SI: variants seen among roughly 807,000 people sequenced by gnomAD.
SI encodes sucrase-isomaltase, also known as sucrase-isomaltase, intestinal.
In SI, 235 loss-of-function variants were observed where a neutral mutation model predicts 253.3. The observed-to-expected ratio is 0.93, with a 90% CI of 0.83 to 1.03. SI has a LOEUF of 1.03. SI is among the 50% of genes least tolerant of loss of function. SI has a pLI of 0.00. For synonymous variants in SI, 819 were observed against 712.0 expected (o/e 1.15, Z -2.39); for missense variants, 2,442 against 2,211.1 (o/e 1.10, Z -2.09).
chr3:165,022,335 G>A (rs967485354), intron 26 of SI, among the ~76,000 whole-genome samples: 1 of 151,408 alleles, frequency 6.6e-6, no homozygotes, highest in African/African-American at 2.4e-5. Context: ...GCCTTTGCTA[G>A]CCAGATACAA....
chr3:165,076,541 T>C (rs1714985941), intron 1 of SI, among the ~76,000 whole-genome samples: 1 of 151,726 alleles, frequency 6.6e-6, no homozygotes, highest in African/African-American at 2.4e-5. Flanking sequence ...CAACACTACT[T>C]TCCACAATAT....
chr3:165,000,561 G>T (rs1214256058), intron 37 of SI, among the ~76,000 whole-genome samples: 1 of 151,172 alleles, frequency 6.6e-6, no homozygotes, highest in Non-Finnish European at 1.5e-5. Context: ...ATTTACTATT[G>T]TTAATTGTAA....
chr3:165,087,718 C>T, the SI span, among the ~76,000 whole-genome samples: 1 of 152,062 alleles, frequency 6.6e-6, no homozygotes, highest in African/African-American at 2.4e-5. Context: ...CAAAAGATAT[C>T]CCAGTTTAAT....
upstream of SI, among the ~76,000 whole-genome samples, chr3:165,079,335 T>C (rs140977854): frequency 1.3e-3 from 199 of 151,826 alleles, 1 homozygote; most frequent in African/African-American, 4.5e-3. Flanking sequence ...ACTCTGAAAT[T>C]GTCAGAGTCT....
chr3:165,054,082 C>A (rs1202950582), intron 13 of SI, among the ~76,000 whole-genome samples: 1 of 152,030 alleles, frequency 6.6e-6, no homozygotes, highest in African/African-American at 2.4e-5. Context: ...GTATTCCCAA[C>A]AACATGTCTG....
upstream of SI, among the ~76,000 whole-genome samples, chr3:165,082,842 G>A (rs73022804): frequency 8.0e-3 from 1,218 of 152,038 alleles, 18 homozygotes; most frequent in African/African-American, 0.028. Flanking sequence ...GGTCAAACAA[G>A]GAAGAGCAGG....
intron 15 of SI, among the ~76,000 whole-genome samples, chr3:165,048,898 T>A (rs1284210031): frequency 6.6e-6 from 1 of 152,028 alleles, no homozygotes; most frequent in Non-Finnish European, 1.5e-5. Context: ...GTTACATGTG[T>A]GAGCCACTGC....
chr3:164,989,431 A>T (rs898954318), intron 44 of SI, among the ~76,000 whole-genome samples: 2 of 149,300 alleles, frequency 1.3e-5, no homozygotes, highest in African/African-American at 4.9e-5. Context: ...AAAGAAAGAA[A>T]GAAAGGAAAG....
At chr3:165,036,240 A>G in intron 22 of SI, 149 bp downstream of exon 22, 1 of 614,532 alleles carries the variant, frequency 1.6e-6, no homozygotes, top group South Asian at 1.9e-5. Context: ...AAAGTTTTAA[A>G]GTAGCCTAAA....
At chr3:165,013,675 A>G (rs1304549571) in intron 33 of SI, among the ~76,000 whole-genome samples, 1 of 152,160 alleles carries the variant, frequency 6.6e-6, no homozygotes, top group Non-Finnish European at 1.5e-5. Context: ...TGAAAGTCCT[A>G]TATAAAAATA....
Position 164,992,414 on chromosome 3 carries a change from C to A in SI, c.4842-17G>T. ...TCAAAGAACCTCGACAAAATTATCA[C>A]AAATAATTAAATTAAAACAAATAAC... On this transcript the variant is annotated splice_polypyrimidine_tract_variant and intron_variant, in intron 41 of 47. Coordinates refer to ENST00000264382, the MANE Select transcript of SI (RefSeq NM_001041.4). 1 of 1,514,624 alleles carries A rather than the reference C, an allele frequency of 6.6e-7. No individual in the cohort carries two copies. Among genetic ancestry groups the A allele is most frequent in the Non-Finnish European group, 9.1e-7 (1 of 1,094,954 alleles). 93.8% of individuals were successfully genotyped at this position (1,514,624 alleles called of 1,614,324 possible). A position where few individuals can be genotyped will look rare whatever the true frequency, so the allele number is the denominator to read the frequency against.
Position 164,998,595 on chromosome 3 carries a change from T to G in SI, c.4485A>C (p.Gly1495=). Residue 1495 remains glycine, a synonymous_variant, in exon 38 of 48, where the codon GGA becomes GGC. Coordinates refer to ENST00000264382, the MANE Select transcript of SI (RefSeq NM_001041.4). ...GTGCATAGTTGTCTCCAAGCCAGTGTCCTCCCCATCGTCCACTAGTAGGAT... is the reference window on the plus strand; with the variant it reads ...GTGCATAGTTGTCTCCAAGCCAGTGGCCTCCCCATCGTCCACTAGTAGGAT... ...STYPTSGRWG[G]HWLGDNYARW... 1 of 1,612,236 alleles carries G rather than the reference T, an allele frequency of 6.2e-7. No individual in the cohort carries two copies. The highest frequency in any genetic ancestry group is 1.1e-5 in the South Asian group (1 of 91,056).
In SI at chr3:165,023,792, A is replaced by C. The variant is rs373160993; in HGVS notation, c.2893-16T>G. 1.3e-6 allele frequency: 2 copies of C among 1,565,100 alleles called. No homozygotes were observed. Among genetic ancestry groups the C allele is most frequent in the African/African-American group, 2.7e-5 (2 of 73,564 alleles). On this transcript the variant is annotated splice_polypyrimidine_tract_variant and intron_variant, in intron 25 of 47. Transcript: ENST00000264382. ...GAGAAGAACCCTAAAAACACAATGC[A>C]TGTTCATTGCCAGAAATTATAAGCC...
chr3:165,019,450 G>C, intron 28 of SI, 152 bp downstream of exon 28: 2 of 742,452 alleles, frequency 2.7e-6, no homozygotes, highest in Non-Finnish European at 4.6e-6. Context: ...TTTTGGGTTT[G>C]TTTCTCAGAA....
chr3:165,030,088 A>C (rs1360074820), intron 25 of SI, among the ~76,000 whole-genome samples: 2 of 150,910 alleles, frequency 1.3e-5, no homozygotes, highest in Non-Finnish European at 3.0e-5. Context: ...AGATGCATTT[A>C]GTTATTTGGT....
At chr3:165,022,880 T>A (rs1289908802) in intron 26 of SI, among the ~76,000 whole-genome samples, 1 of 151,644 alleles carries the variant, frequency 6.6e-6, no homozygotes, top group Non-Finnish European at 1.5e-5. Context: ...AAATATCGTT[T>A]ACTCTTATTT....
At chr3:165,019,465 G>C in intron 28 of SI, 137 bp downstream of exon 28, 2 of 810,112 alleles carry the variant, frequency 2.5e-6, no homozygotes, top group Non-Finnish European at 4.1e-6. Flanking sequence ...TCAGAAAATT[G>C]CTATAGCTGC....
intron 44 of SI, among the ~76,000 whole-genome samples, chr3:164,987,595 G>GCTA (rs2108117878): frequency 6.6e-6 from 1 of 152,174 alleles, no homozygotes; most frequent in African/African-American, 2.4e-5. Context: ...TGTAGTCCCA[G>GCTA]CTACTTGGGA....
chr3:165,080,960 T>C (rs964267736), upstream of SI, among the ~76,000 whole-genome samples: 3 of 151,934 alleles, frequency 2.0e-5, no homozygotes, highest in African/African-American at 4.8e-5. Context: ...GATTTTGAAT[T>C]TGTGTACCTT....
Sources: allele counts gnomAD v4.1 joint callset (sites outside exome capture counted in the v4.1 genomes callset), GRCh38; gene constraint gnomAD v4.1.1; transcripts MANE v1.5; gene names NCBI Gene and HGNC (gene_info 2026-07-23, HGNC 2026-07-21).